Variants in IMMP2L observed in about 807,000 individuals in gnomAD.
IMMP2L encodes the protein inner mitochondrial membrane peptidase subunit 2.
In IMMP2L, 18 loss-of-function variants were observed where a neutral mutation model predicts 19.3. The observed-to-expected ratio is 0.93, with a 90% CI of 0.64 to 1.38. The LOEUF (loss-of-function observed/expected upper bound fraction) is 1.38, where lower values mean the gene tolerates loss of function less well. Among genes scored for constraint, IMMP2L ranks in the 40% most tolerant of loss-of-function variants. The pLI, the probability that IMMP2L is intolerant of heterozygous loss-of-function variation, is 0.00. For synonymous variants in IMMP2L, 76 were observed against 73.0 expected (o/e 1.04, Z -0.21); for missense variants, 233 against 218.2 (o/e 1.07, Z -0.43).
Position 111,072,547 on chromosome 7 carries a change from C to CAA in IMMP2L, c.240-108984_240-108983dup, listed in dbSNP as rs111388342. Among the ~76,000 whole-genome samples the CAA allele has an allele frequency of 8.1e-3, 1,157 of 142,580 alleles. 7 individuals are homozygous for CAA. Among genetic ancestry groups the CAA allele is most frequent in the African/African-American group, 0.015 (574 of 39,352 alleles). The allele number at this position is 142,580 out of a possible 152,430, so 93.5% of individuals were successfully genotyped here. A position where few individuals can be genotyped will look rare whatever the true frequency, so the allele number is the denominator to read the frequency against. The stretch of plus-strand genomic sequence containing the variant: ...AAAATAAAAGACATTCCACAAAACT[C>CAA]AAAAAAAAAAAAGTCAGCATGACAA... On this transcript the variant is annotated intron_variant, in intron 3 of 5. Transcript: ENST00000405709.
At chr7:111,375,302 A>C (rs1368449477) in intron 3 of IMMP2L, among the ~76,000 whole-genome samples, 3 of 152,076 alleles carry the variant, frequency 2.0e-5, no homozygotes, top group African/African-American at 7.2e-5. Flanking sequence ...GAGACAGTAA[A>C]ATATCTGCCA....
chr7:111,143,199 CA>C (rs1189930015), intron 3 of IMMP2L, among the ~76,000 whole-genome samples: 1 of 151,958 alleles, frequency 6.6e-6, no homozygotes, highest in Admixed American at 6.6e-5. Context: ...GCATGGATTT[CA>C]AAAAGAGGTG....
At chr7:110,777,971 C>G (rs1303761713) in intron 5 of IMMP2L, among the ~76,000 whole-genome samples, 2 of 151,824 alleles carry the variant, frequency 1.3e-5, no homozygotes, top group African/African-American at 2.4e-5. Flanking sequence ...CAGTGAATTC[C>G]TTTTTACTGA....
chr7:111,040,214 T>C (rs1441796437), intron 3 of IMMP2L, among the ~76,000 whole-genome samples: 1 of 152,288 alleles, frequency 6.6e-6, no homozygotes, highest in Middle Eastern at 3.4e-3. Flanking sequence ...ATTTCTGTGA[T>C]TAAAAAATTA....
chr7:111,036,280 G>A (rs998797307), intron 3 of IMMP2L, among the ~76,000 whole-genome samples: 3 of 151,936 alleles, frequency 2.0e-5, no homozygotes, highest in African/African-American at 4.8e-5. Flanking sequence ...GACAAGAGAC[G>A]CACTGTGAAT....
At chr7:110,944,599 C>G (rs940952922) in intron 4 of IMMP2L, among the ~76,000 whole-genome samples, 1 of 151,624 alleles carries the variant, frequency 6.6e-6, no homozygotes, top group African/African-American at 2.4e-5. Context: ...CCTCCAGTTC[C>G]TTCTCTAAAG....
chr7:111,342,351 T>C (rs752804726), intron 3 of IMMP2L, among the ~76,000 whole-genome samples: 8 of 152,208 alleles, frequency 5.3e-5, no homozygotes, highest in Non-Finnish European at 1.0e-4. Context: ...CCCAGCACCT[T>C]GGGAGGCCGA....
intron 5 of IMMP2L, among the ~76,000 whole-genome samples, chr7:110,759,720 T>A (rs1798240242): frequency 6.6e-6 from 1 of 152,142 alleles, no homozygotes; most frequent in Admixed American, 6.6e-5. Context: ...AGAAAGTATA[T>A]ACATGCCCTT....
intron 4 of IMMP2L, among the ~76,000 whole-genome samples, chr7:110,950,841 C>CGCATATATATAT (rs1817721849): frequency 2.0e-5 from 2 of 100,634 alleles, no homozygotes; most frequent in African/African-American, 8.6e-5. Context: ...CAAAATGTGG[C>CGCATATATATAT]ATATATATAT....
intron 3 of IMMP2L, among the ~76,000 whole-genome samples, chr7:111,266,154 G>A (rs1398170844): frequency 6.6e-6 from 1 of 152,152 alleles, no homozygotes; most frequent in African/African-American, 2.4e-5. Flanking sequence ...AACAGTGACT[G>A]CTGTATCTCT....
intron 3 of IMMP2L, among the ~76,000 whole-genome samples, chr7:111,106,318 T>C (rs1798541670): frequency 6.6e-6 from 1 of 151,940 alleles, no homozygotes; most frequent in Non-Finnish European, 1.5e-5. Flanking sequence ...TTTGACAACT[T>C]TTCAAACTCT....
intron 2 of IMMP2L, among the ~76,000 whole-genome samples, chr7:111,487,847 T>C (rs1842783075): frequency 6.6e-6 from 1 of 152,206 alleles, no homozygotes; most frequent in African/African-American, 2.4e-5. Flanking sequence ...TGTATGGATT[T>C]CCCACTTTGA....
At chr7:110,857,835 T>C (rs558826357) in intron 5 of IMMP2L, among the ~76,000 whole-genome samples, 1 of 152,154 alleles carries the variant, frequency 6.6e-6, no homozygotes, top group African/African-American at 2.4e-5. Context: ...TTGATAACTA[T>C]CAGAAAACAA....
chr7:111,043,617 A>T (rs1338027658), intron 3 of IMMP2L, among the ~76,000 whole-genome samples: 1 of 152,236 alleles, frequency 6.6e-6, no homozygotes. Context: ...ACAGAATAGT[A>T]AAAAGCTATG....
chr7:110,945,132 A>G (rs1757553567), intron 4 of IMMP2L, among the ~76,000 whole-genome samples: 1 of 151,926 alleles, frequency 6.6e-6, no homozygotes, highest in African/African-American at 2.4e-5. Context: ...AACTATAGGT[A>G]TGGCCAGAGA....
At chr7:111,544,933 T>C (rs1372777874) in intron 1 of IMMP2L, among the ~76,000 whole-genome samples, 2 of 151,150 alleles carry the variant, frequency 1.3e-5, no homozygotes, top group South Asian at 2.1e-4. Context: ...TGAGACAAAG[T>C]AGAAAAAAGA....
At chr7:110,968,888 T>C (rs180864354) in intron 3 of IMMP2L, among the ~76,000 whole-genome samples, 1 of 152,194 alleles carries the variant, frequency 6.6e-6, no homozygotes, top group Admixed American at 6.5e-5. Flanking sequence ...CACCCCTTTC[T>C]ATAATAAATT....
intron 5 of IMMP2L, among the ~76,000 whole-genome samples, chr7:110,747,530 C>T (rs1271871928): frequency 1.3e-5 from 2 of 152,188 alleles, no homozygotes; most frequent in African/African-American, 4.8e-5. Flanking sequence ...TCCAGCAGCA[C>T]ATCAAAAGGC....
intron 3 of IMMP2L, among the ~76,000 whole-genome samples, chr7:111,043,766 T>C (rs1375018408): frequency 6.6e-6 from 1 of 152,212 alleles, no homozygotes; most frequent in Non-Finnish European, 1.5e-5. Flanking sequence ...TTAGTTAATA[T>C]GTACTAGACA....
Sources: gnomAD v4.1 joint callset for allele counts (sites outside exome capture counted in the v4.1 genomes callset) on GRCh38, gnomAD v4.1.1 for gene constraint, MANE v1.5 for transcripts, NCBI Gene and HGNC (gene_info 2026-07-23, HGNC 2026-07-21) for gene names.